The following ZMIZ2 variants were observed in gnomAD, a reference collection of about 807,000 sequenced individuals.
The protein encoded by ZMIZ2 is zinc finger MIZ domain-containing protein 2.
ZMIZ2 carries 26 observed loss-of-function variants against 93.9 expected under a neutral mutation model. The ratio of observed to expected loss-of-function variants is 0.28; its 90% CI spans 0.20 to 0.38. The LOEUF is 0.38. Ranked by LOEUF, ZMIZ2 falls within the 10% of genes least tolerant of loss-of-function variation. The pLI, the probability that ZMIZ2 is intolerant of heterozygous loss-of-function variation, is 1.00. For missense variants in ZMIZ2, 1,023 were observed against 1,235.0 expected, an observed-to-expected ratio of 0.83 and a Z score of 2.57; for synonymous variants, 485 against 516.4, an observed-to-expected ratio of 0.94 and a Z score of 0.82.
chr7:44,769,552 A>G lies in ZMIZ2; in HGVS notation c.*1929A>G, dbSNP rs946936620. 1.3e-5 allele frequency: 2 copies of G among 152,742 alleles called. No individual in the cohort carries two copies. The highest frequency in any genetic ancestry group is 2.4e-5 in the African/African-American group (1 of 41,454). 9.5% of individuals were successfully genotyped at this position (152,742 alleles called of 1,614,324 possible). ...CGCTGGGTGCGGAGACAGCCTGGCA[A>G]AGTCCCACTCAGCCATGGCCTGATG... On this transcript the variant is annotated 3_prime_UTR_variant, in exon 19 of 19. Transcript: ENST00000309315.
rs1038075810 is a variant in ZMIZ2 at position 44,767,958 on chromosome 7, C to T, written c.*335C>T. The T allele has an allele frequency of 2.3e-5, 9 of 387,878 alleles. No individual in the cohort carries two copies. Among genetic ancestry groups the T allele is most frequent in the Non-Finnish European group, 4.4e-5 (9 of 205,480 alleles). The allele number at this position is 387,878 out of a possible 1,614,324, so 24.0% of individuals were successfully genotyped here. On this transcript the variant is annotated 3_prime_UTR_variant, in exon 19 of 19. Coordinates refer to ENST00000309315, the MANE Select transcript of ZMIZ2 (RefSeq NM_031449.4). The stretch of plus-strand genomic sequence containing the variant: ...TGGTCTCACAGCCTCACACCTTGTC[C>T]TTCCACCCCTGCCTGCCCCCACCCA...
intron 1 of ZMIZ2, among the ~76,000 whole-genome samples, chr7:44,752,213 C>A (rs923960774): frequency 6.6e-6 from 1 of 151,748 alleles, no homozygotes; most frequent in Admixed American, 6.6e-5. Context: ...CTGCAACCTC[C>A]ACCTCCTGGG....
In ZMIZ2 at chr7:44,757,093, G is replaced by A. The variant is rs1299030107; in HGVS notation, c.312G>A (p.Val104=). Residue 104 remains valine, a synonymous_variant, in exon 4 of 19, where the codon GTG becomes GTA. Transcript: ENST00000309315. ...FAEGGANKGY[V]QQGVYSRGGY... is the part of the protein sequence containing the mutation. ...AAGGCGGCGCCAACAAGGGCTACGT[G>A]CAGCAAGGCGTGTACAGCCGCGGGG... is the stretch of plus-strand genomic sequence containing the variant. 6.2e-7 allele frequency: 1 copy of A among 1,606,176 alleles called. No individual in the cohort carries two copies. Among genetic ancestry groups the A allele is most frequent in the African/African-American group, 1.3e-5 (1 of 74,488 alleles).
intron 6 of ZMIZ2, among the ~76,000 whole-genome samples, 197 bp from the exon 7 acceptor site, chr7:44,759,084 T>TAAAAAAAA (rs71563954): frequency 3.1e-5 from 3 of 97,492 alleles, no homozygotes; most frequent in African/African-American, 4.2e-5. Flanking sequence ...TGTCTCAAAT[T>TAAAAAAAA]AAAAAAAAAA....
rs758221111 is a variant in ZMIZ2, at chr7:44,766,406, T to C, written c.2413-15T>C. The C allele has an allele frequency of 1.9e-6, 3 of 1,613,788 alleles. No homozygotes were observed. The East Asian group carries it at 6.7e-5, about 36-fold the overall frequency. ...CCCCTGAGCTGTTTTAACAAATTCT[T>C]CTCTCTGTCTTCAGATGGCACCAGC... is the stretch of plus-strand genomic sequence containing the variant. On this transcript the variant is annotated splice_polypyrimidine_tract_variant and intron_variant, in intron 17 of 18. Coordinates refer to ENST00000309315, the MANE Select transcript of ZMIZ2 (RefSeq NM_031449.4). The surrounding 1 kb of genome is among the most constrained non-coding windows in gnomAD (Gnocchi z 4.4).
chr7:44,759,244 C>CTTTTTTT, intron 6 of ZMIZ2, 37 bp from the exon 7 acceptor site: 2 of 1,460,632 alleles, frequency 1.4e-6, no homozygotes, highest in Admixed American at 2.4e-5. Context: ...CCCCTGATGC[C>CTTTTTTT]TTTTTTCTCC....
chr7:44,758,471 C>CA (rs554628430), intron 6 of ZMIZ2, among the ~76,000 whole-genome samples: 811 of 68,904 alleles, frequency 0.012, 6 homozygotes, highest in African/African-American at 0.024. Flanking sequence ...GACCCTGTTT[C>CA]AAAAAAAAAA....
intron 13 of ZMIZ2, among the ~76,000 whole-genome samples, chr7:44,764,156 C>T (rs1303602370): frequency 6.6e-6 from 1 of 152,110 alleles, no homozygotes; most frequent in Admixed American, 6.6e-5. Flanking sequence ...AACAAAAATA[C>T]CATGTTCTGG....
At chr7:44,756,816 G>A (rs1044122440) in intron 3 of ZMIZ2, 131 bp from the exon 4 acceptor site, 20 of 1,156,574 alleles carry the variant, frequency 1.7e-5, no homozygotes, top group East Asian at 2.3e-5. Flanking sequence ...CCTGCTTCCC[G>A]TGCTATACCC....
At chr7:44,757,600 C>G in intron 5 of ZMIZ2, 39 bp downstream of exon 5, 1 of 1,551,828 alleles carries the variant, frequency 6.4e-7, no homozygotes, top group Non-Finnish European at 8.7e-7. Flanking sequence ...TGGCAGCCAG[C>G]CTGAGGGCCT....
intron 3 of ZMIZ2, 115 bp from the exon 4 acceptor site, chr7:44,756,832 C>T: frequency 7.6e-7 from 1 of 1,313,674 alleles, no homozygotes; most frequent in Non-Finnish European, 1.1e-6. Context: ...TACCCTGTCC[C>T]CCCCACCTCT....
intron 4 of ZMIZ2, 24 bp from the exon 5 acceptor site, chr7:44,757,354 G>A (rs1425241194): frequency 8.8e-6 from 14 of 1,593,164 alleles, no homozygotes; most frequent in African/African-American, 2.7e-5. Context: ...CGCAGAGAGC[G>A]TGGCAATCCT....
At chr7:44,762,625 C>T (rs142513776) in intron 11 of ZMIZ2, among the ~76,000 whole-genome samples, 1,656 of 152,276 alleles carry the variant, frequency 0.011, 19 homozygotes, top group Non-Finnish European at 0.014. Context: ...ATGGTTAGAC[C>T]GGCAGGATGC....
chr7:44,766,654 A>C lies in ZMIZ2; in HGVS notation c.2646A>C (p.Pro882=), dbSNP rs1392470934. 1 of 1,612,928 alleles carries C rather than the reference A, an allele frequency of 6.2e-7. No individual in the cohort carries two copies. Among genetic ancestry groups the C allele is most frequent in the East Asian group, 2.2e-5 (1 of 44,894 alleles). The change falls in exon 18 of 19, where the codon CCA becomes CCC. Residue 882 remains proline, a synonymous_variant. Transcript: ENST00000309315. This position sits in a 1 kb window ranked among gnomAD's most constrained non-coding sequence, Gnocchi z 4.4. ...SMSGAGEAPE[P]ALDLLPELTN... is the part of the protein sequence containing the mutation. ...CTGGAGCCGGGGAGGCCCCAGAACCAGCTCTGGACGTGAGTACCAGGCCCC... is the reference window on the plus strand; with the variant it reads ...CTGGAGCCGGGGAGGCCCCAGAACCCGCTCTGGACGTGAGTACCAGGCCCC...
Position 44,765,887 on chromosome 7 carries a change from T to G in ZMIZ2, c.2243-277T>G. The G allele has an allele frequency of 1.5e-6, 2 of 1,353,726 alleles. No homozygotes were observed. The allele number at this position is 1,353,726 out of a possible 1,614,324, so 83.9% of individuals were successfully genotyped here. The stretch of plus-strand genomic sequence containing the variant: ...GGACTGGCCCCATCTGGGGCCCCCC[T>G]CTGGGACCCACCTCACACGCGTGGT... On this transcript the variant is annotated intron_variant, in intron 16 of 18. Coordinates refer to ENST00000309315, the MANE Select transcript of ZMIZ2 (RefSeq NM_031449.4). This position sits in a 1 kb window ranked among gnomAD's most constrained non-coding sequence, Gnocchi z 4.1.
Position 44,763,700 on chromosome 7 carries a change from T to C in ZMIZ2, c.1860+287T>C. On this transcript the variant is annotated intron_variant, in intron 13 of 18. Coordinates refer to ENST00000309315, the MANE Select transcript of ZMIZ2 (RefSeq NM_031449.4). The surrounding 1 kb of genome is among the most constrained non-coding windows in gnomAD (Gnocchi z 5.6). ...ATTGCAGGGTCCAGTCTTCCTGCCCTACCCCCAAGGGTGACCATCGTTAGC... is the reference window on the plus strand; with the variant it reads ...ATTGCAGGGTCCAGTCTTCCTGCCCCACCCCCAAGGGTGACCATCGTTAGC... The C allele has an allele frequency of 2.3e-6, 1 of 427,588 alleles. No individual in the cohort carries two copies. The highest frequency in any genetic ancestry group is 4.2e-6 in the Non-Finnish European group (1 of 236,044). The allele number at this position is 427,588 out of a possible 1,614,324, so 26.5% of individuals were successfully genotyped here. A position where few individuals can be genotyped will look rare whatever the true frequency, so the allele number is the denominator to read the frequency against.
rs1162247808 is a variant in ZMIZ2 at position 44,765,661 on chromosome 7, A to G, written c.2242+82A>G. 1.3e-6 allele frequency: 2 copies of G among 1,527,030 alleles called. No homozygotes were observed. The highest frequency in any genetic ancestry group is 1.8e-6 in the Non-Finnish European group (2 of 1,134,564). The allele number at this position is 1,527,030 out of a possible 1,614,324, so 94.6% of individuals were successfully genotyped here. A position where few individuals can be genotyped will look rare whatever the true frequency, so the allele number is the denominator to read the frequency against. On this transcript the variant is annotated intron_variant, in intron 16 of 18. Transcript: ENST00000309315. The surrounding 1 kb of genome is among the most constrained non-coding windows in gnomAD (Gnocchi z 4.1). ...CCCCAGATCAGTCTCCTCACCTGCA[A>G]GAATGTGGCTATGCAGGTCACACAC...
intron 6 of ZMIZ2, among the ~76,000 whole-genome samples, chr7:44,758,745 T>C (rs1429771738): frequency 6.6e-6 from 1 of 151,692 alleles, no homozygotes; most frequent in Non-Finnish European, 1.5e-5. Context: ...ACCCCATCTC[T>C]AATAAAAATA....
At position 44,756,224 on chromosome 7, in the gene ZMIZ2, C is replaced by T; in HGVS notation, c.-26C>T. On this transcript the variant is annotated 5_prime_UTR_variant, in exon 2 of 19. Coordinates refer to ENST00000309315, the MANE Select transcript of ZMIZ2 (RefSeq NM_031449.4). ...GAGTTCCAGATAAAAACTGTCAGAC[C>T]CGGCCTGTAGGCTGCTCCATTGCCA... 3.1e-6 allele frequency: 5 copies of T among 1,613,986 alleles called. No homozygotes were observed. Among genetic ancestry groups the T allele is most frequent in the Non-Finnish European group, 4.2e-6 (5 of 1,179,990 alleles).
Sources: allele counts gnomAD v4.1 joint callset (sites outside exome capture counted in the v4.1 genomes callset), GRCh38; gene constraint gnomAD v4.1.1; non-coding constraint Gnocchi (gnomAD v3.1); transcripts MANE v1.5; gene names NCBI Gene and HGNC (gene_info 2026-07-23, HGNC 2026-07-21).